Variants in NCOA2 observed in about 807,000 individuals in gnomAD.
NCOA2 encodes nuclear receptor coactivator 2.
In NCOA2, 21 loss-of-function variants were observed where a neutral mutation model predicts 145.1. The observed-to-expected ratio is 0.14, with a 90% CI of 0.10 to 0.21. The LOEUF (loss-of-function observed/expected upper bound fraction) is 0.21, where lower values mean the gene tolerates loss of function less well. Ranked by LOEUF, NCOA2 falls within the 10% of genes least tolerant of loss-of-function variation. NCOA2 has a pLI of 1.00. For synonymous variants in NCOA2, 619 were observed against 637.5 expected (o/e 0.97, Z 0.44); for missense variants, 1,472 against 1,837.6 (o/e 0.80, Z 3.64).
intron 1 of NCOA2, among the ~76,000 whole-genome samples, chr8:70,322,304 T>A (rs1336183400): frequency 6.6e-6 from 1 of 152,174 alleles, no homozygotes; most frequent in Non-Finnish European, 1.5e-5. Flanking sequence ...GAGAGCTCTG[T>A]CAAGACTTAA....
the NCOA2 span, among the ~76,000 whole-genome samples, chr8:70,455,131 A>G: frequency 6.6e-6 from 1 of 152,264 alleles, no homozygotes; most frequent in African/African-American, 2.4e-5. Context: ...TTCACATTTT[A>G]TATGACTTGA....
At chr8:70,396,226 T>A (rs1203759699) in intron 1 of NCOA2, among the ~76,000 whole-genome samples, 14 of 152,356 alleles carry the variant, frequency 9.2e-5, no homozygotes, top group Admixed American at 8.5e-4. Context: ...AATACCTGTA[T>A]CAGCATTCTA....
At chr8:70,178,909 G>A (rs550080781) in intron 4 of NCOA2, among the ~76,000 whole-genome samples, 6 of 152,224 alleles carry the variant, frequency 3.9e-5, no homozygotes, top group Admixed American at 3.9e-4. Flanking sequence ...TGGAACTCTA[G>A]CAAACTCAGA....
At chr8:70,402,876 C>G (rs918619107) in intron 1 of NCOA2, among the ~76,000 whole-genome samples, 2 of 146,640 alleles carry the variant, frequency 1.4e-5, no homozygotes, top group African/African-American at 2.5e-5. Flanking sequence ...GGCCCGGCCC[C>G]CGGCTCCCCG....
chr8:70,425,750 G>A, the NCOA2 span, among the ~76,000 whole-genome samples: 1 of 152,126 alleles, frequency 6.6e-6, no homozygotes, highest in Admixed American at 6.6e-5. Context: ...AGAACGCAAG[G>A]GAGAAGATGT....
chr8:70,121,064 G>A (rs1218761902), intron 22 of NCOA2, among the ~76,000 whole-genome samples: 1 of 151,986 alleles, frequency 6.6e-6, no homozygotes, highest in Non-Finnish European at 1.5e-5. Flanking sequence ...AGAAAAAAAA[G>A]ATAAATAAAT....
At chr8:70,173,835 C>A (rs1333195017) in intron 5 of NCOA2, among the ~76,000 whole-genome samples, 1 of 150,976 alleles carries the variant, frequency 6.6e-6, no homozygotes, top group East Asian at 2.0e-4. Context: ...AAATAAAAAT[C>A]CCTTTAAGCA....
intron 1 of NCOA2, among the ~76,000 whole-genome samples, chr8:70,311,656 T>G (rs1392024079): frequency 6.6e-6 from 1 of 152,234 alleles, no homozygotes; most frequent in Admixed American, 6.5e-5. Context: ...TCTTCTAGAC[T>G]GGTCTAGAGA....
At chr8:70,448,946 G>A in the NCOA2 span, among the ~76,000 whole-genome samples, 1 of 151,870 alleles carries the variant, frequency 6.6e-6, no homozygotes, top group African/African-American at 2.4e-5. Flanking sequence ...CTGAGACACA[G>A]GTGCCGCACC....
At chr8:70,225,393 A>G (rs1423202595) in intron 2 of NCOA2, among the ~76,000 whole-genome samples, 1 of 152,056 alleles carries the variant, frequency 6.6e-6, no homozygotes, top group African/African-American at 2.4e-5. Flanking sequence ...CTAAAAAAAT[A>G]CAAAAATTAG....
intron 4 of NCOA2, among the ~76,000 whole-genome samples, chr8:70,178,817 T>A (rs916505625): frequency 2.0e-5 from 3 of 152,186 alleles, no homozygotes; most frequent in African/African-American, 7.2e-5. Flanking sequence ...GACGGATGTG[T>A]GGCTGGCATC....
chr8:70,162,026 C>G (rs1261753687), intron 9 of NCOA2, among the ~76,000 whole-genome samples: 3 of 152,154 alleles, frequency 2.0e-5, no homozygotes, highest in Middle Eastern at 3.2e-3. Flanking sequence ...ACACTGAATG[C>G]TAGAGAGTCA....
In NCOA2 at chr8:70,193,046, G is replaced by A. The variant is rs575809549; in HGVS notation, c.260-18187C>T. ...TGCACCACTGCACTCCAGCCTGGGCGACAGAGCGAGACTCTATTAAAAAAA... is the reference window on the plus strand; with the variant it reads ...TGCACCACTGCACTCCAGCCTGGGCAACAGAGCGAGACTCTATTAAAAAAA... On this transcript the variant is annotated intron_variant, in intron 4 of 22. Coordinates refer to ENST00000452400, the MANE Select transcript of NCOA2 (RefSeq NM_006540.4). Among the ~76,000 whole-genome samples, 114 of 124,522 alleles carry A rather than the reference G, an allele frequency of 9.2e-4. 1 individual carries two copies. Among genetic ancestry groups the A allele is most frequent in the African/African-American group, 3.4e-3 (109 of 31,844 alleles). 81.7% of individuals were successfully genotyped at this position (124,522 alleles called of 152,430 possible).
the NCOA2 span, among the ~76,000 whole-genome samples, chr8:70,447,883 C>G: frequency 1.3e-5 from 2 of 152,034 alleles, no homozygotes; most frequent in Admixed American, 1.3e-4. Context: ...TGGGGTTTCT[C>G]CATATTGCCC....
chr8:70,264,198 A>T (rs1824374042), intron 2 of NCOA2, among the ~76,000 whole-genome samples: 1 of 150,156 alleles, frequency 6.7e-6, no homozygotes, highest in Non-Finnish European at 1.5e-5. Flanking sequence ...CTGGGCAACA[A>T]GAGTGAAACT....
the NCOA2 span, among the ~76,000 whole-genome samples, chr8:70,408,906 C>T: frequency 6.6e-6 from 1 of 151,050 alleles, no homozygotes; most frequent in South Asian, 2.1e-4. Flanking sequence ...AGGATTACGG[C>T]ATAAGCCATC....
chr8:70,421,458 G>A, the NCOA2 span, among the ~76,000 whole-genome samples: 5 of 152,012 alleles, frequency 3.3e-5, no homozygotes, highest in Non-Finnish European at 7.4e-5. Context: ...CTCAGGATGC[G>A]GAGGCAGGAG....
At chr8:70,169,474 T>C (rs928835278) in intron 6 of NCOA2, among the ~76,000 whole-genome samples, 4 of 152,238 alleles carry the variant, frequency 2.6e-5, no homozygotes, top group East Asian at 1.9e-4. Flanking sequence ...ACACCTATAA[T>C]ATGCTTCATG....
chr8:70,428,778 T>C, the NCOA2 span, among the ~76,000 whole-genome samples: 2 of 151,988 alleles, frequency 1.3e-5, no homozygotes, highest in African/African-American at 2.4e-5. Flanking sequence ...CAAGGCAGCA[T>C]AGCAACTATT....
Sources: gnomAD v4.1 joint callset for allele counts (sites outside exome capture counted in the v4.1 genomes callset) on GRCh38, gnomAD v4.1.1 for gene constraint, MANE v1.5 for transcripts, NCBI Gene and HGNC (gene_info 2026-07-23, HGNC 2026-07-21) for gene names.